The following POLA2 variants were observed in gnomAD, a reference collection of about 807,000 sequenced individuals.
POLA2 encodes DNA polymerase alpha 2, accessory subunit, also known as DNA polymerase alpha subunit B.
POLA2 carries 47 observed loss-of-function variants against 82.8 expected under a neutral mutation model. The ratio of observed to expected loss-of-function variants is 0.57; its 90% CI spans 0.45 to 0.72. POLA2 has a LOEUF of 0.72. Ranked by LOEUF, POLA2 falls within the 30% of genes least tolerant of loss-of-function variation. The probability of loss-of-function intolerance (pLI) is 0.00; values close to 1 mark genes in which losing one functional copy is unlikely to be tolerated. For synonymous variants in POLA2, 287 were observed against 286.8 expected, an observed-to-expected ratio of 1.00 and a Z score of -0.01; for missense variants, 634 against 728.1, an observed-to-expected ratio of 0.87 and a Z score of 1.49.
In POLA2 at chr11:65,294,672, C is replaced by T; in HGVS notation, c.1460+20C>T. 13 of 1,530,494 alleles carry T rather than the reference C, an allele frequency of 8.5e-6. No individual in the cohort carries two copies. The highest frequency in any genetic ancestry group is 1.2e-5 in the Non-Finnish European group (13 of 1,108,842). 94.8% of individuals were successfully genotyped at this position (1,530,494 alleles called of 1,614,324 possible). On this transcript the variant is annotated intron_variant, in intron 15 of 17. Coordinates refer to ENST00000265465, the MANE Select transcript of POLA2 (RefSeq NM_002689.4). Reference sequence around the variant, plus strand: ...CAGTAGGTAAGAAGTGTGTTCCAGGCCCCAAGCAGGATGACTGGCTTTCTG... The same window carrying T: ...CAGTAGGTAAGAAGTGTGTTCCAGGTCCCAAGCAGGATGACTGGCTTTCTG...
At chr11:65,302,950 ATCC>A (rs1355568673), downstream of POLA2, among the ~76,000 whole-genome samples, 1 of 151,998 alleles carries the variant, frequency 6.6e-6, no homozygotes, top group Non-Finnish European at 1.5e-5. Context: ...AGTTCAAGCA[ATCC>A]TCCTGCCTGA....
intron 11 of POLA2, among the ~76,000 whole-genome samples, chr11:65,288,512 G>GTTTTTTTTTTT (rs572913995): frequency 5.0e-5 from 6 of 119,956 alleles, no homozygotes; most frequent in Admixed American, 1.9e-4. Flanking sequence ...TTTGTTTTTT[G>GTTTTTTTTTTT]TTTTTTTTTT....
intron 8 of POLA2, among the ~76,000 whole-genome samples, chr11:65,304,259 G>A (rs1025720092): frequency 6.8e-6 from 1 of 147,996 alleles, no homozygotes; most frequent in Admixed American, 6.7e-5. Flanking sequence ...ATCCATCCAC[G>A]TAACCATCCA....
At chr11:65,293,260 T>C (rs2137585259) in intron 13 of POLA2, among the ~76,000 whole-genome samples, 1 of 152,252 alleles carries the variant, frequency 6.6e-6, no homozygotes, top group Non-Finnish European at 1.5e-5. Context: ...GTCTCGGTTG[T>C]CCAGTAATTA....
chr11:65,291,296 A>G (rs1488643061), intron 13 of POLA2, among the ~76,000 whole-genome samples: 1 of 152,238 alleles, frequency 6.6e-6, no homozygotes, highest in Non-Finnish European at 1.5e-5. Context: ...CCTTTTAGCC[A>G]TGAGAACTGA....
chr11:65,266,457 CAG>C, intron 1 of POLA2, 123 bp from the exon 2 acceptor site: 1 of 948,810 alleles, frequency 1.1e-6, no homozygotes. Flanking sequence ...TTGCCCAAAA[CAG>C]TGCCTGGCAC....
chr11:65,289,900 C>G (rs367557535), intron 13 of POLA2, 28 bp downstream of exon 13: 2 of 1,415,196 alleles, frequency 1.4e-6, no homozygotes, highest in Non-Finnish European at 2.0e-6. Flanking sequence ...TGGACAGAAC[C>G]TTAAGCTTCT....
intron 3 of POLA2, among the ~76,000 whole-genome samples, chr11:65,268,363 T>TA (rs1949485297): frequency 6.6e-6 from 1 of 151,474 alleles, no homozygotes; most frequent in Non-Finnish European, 1.5e-5. Flanking sequence ...TATTATTTTT[T>TA]TTTTTTGAGA....
At chr11:65,280,783 G>A in intron 7 of POLA2, 1 of 553,082 alleles carries the variant, frequency 1.8e-6, no homozygotes, top group Non-Finnish European at 3.2e-6. Context: ...CTCAAGTGCT[G>A]GGTGGATGGG....
chr11:65,285,574 CAAAAAAAAAAAAAAAA>C (rs899336675), intron 10 of POLA2, among the ~76,000 whole-genome samples: 2 of 63,014 alleles, frequency 3.2e-5, no homozygotes, highest in Admixed American at 1.8e-4. Flanking sequence ...GATCCTATCT[CAAAAAAAAAAAAAAAA>C]GAAAAAGAAA....
At position 65,282,514 on chromosome 11, in the gene POLA2, G is replaced by A; in HGVS notation, c.999G>A (p.Glu333=). Reference sequence around the variant, plus strand: ...TTCCATTTTATCAGCCCACTGAAGAGGATGCAGGTGAGTTTCGGTTCAAAT... The same window carrying A: ...TTCCATTTTATCAGCCCACTGAAGAAGATGCAGGTGAGTTTCGGTTCAAAT... ...VPLPFYQPTE[E]DADFEQSMVL... Residue 333 remains glutamate, a synonymous_variant, in exon 10 of 18, where the codon GAG becomes GAA. Transcript: ENST00000265465. 1 of 1,613,262 alleles carries A rather than the reference G, an allele frequency of 6.2e-7. No individual in the cohort carries two copies. The highest frequency in any genetic ancestry group is 8.5e-7 in the Non-Finnish European group (1 of 1,179,230).
At chr11:65,271,307 T>C (rs1028051244) in intron 4 of POLA2, among the ~76,000 whole-genome samples, 15 of 152,194 alleles carry the variant, frequency 9.9e-5, no homozygotes, top group Non-Finnish European at 1.5e-4. Context: ...GCAATACCAA[T>C]GGGACCACCA....
chr11:65,284,302 A>G (rs1735498389), intron 10 of POLA2, among the ~76,000 whole-genome samples: 1 of 152,030 alleles, frequency 6.6e-6, no homozygotes, highest in Admixed American at 6.6e-5. Flanking sequence ...GTGGGTCTGC[A>G]TCTCTACAAA....
At chr11:65,299,236 G>C (rs965032042), downstream of POLA2, among the ~76,000 whole-genome samples, 4 of 152,226 alleles carry the variant, frequency 2.6e-5, no homozygotes, top group African/African-American at 9.6e-5. Flanking sequence ...GCCTCTCCCT[G>C]ATCTGGTCAT....
At chr11:65,294,912 G>C (rs992390812) in intron 15 of POLA2, 1 of 349,522 alleles carries the variant, frequency 2.9e-6, no homozygotes, top group Admixed American at 4.3e-5. Flanking sequence ...GCACTTAAAG[G>C]CATCAAAATT....
At chr11:65,281,309 C>T (rs560418375) in intron 8 of POLA2, among the ~76,000 whole-genome samples, 162 bp downstream of exon 8, 2 of 152,212 alleles carry the variant, frequency 1.3e-5, no homozygotes, top group Admixed American at 1.3e-4. Context: ...ATTCCTGTTT[C>T]CCCCATGCTC....
At chr11:65,268,611 G>A (rs1344672302) in intron 3 of POLA2, 61 bp from the exon 4 acceptor site, 1 of 1,068,864 alleles carries the variant, frequency 9.4e-7, no homozygotes. Context: ...CAAAGTGCTG[G>A]GATTACAGGC....
chr11:65,280,075 T>G lies in POLA2; in HGVS notation c.744+449T>G, dbSNP rs149819703. 428 of 156,788 alleles carry G rather than the reference T, an allele frequency of 2.7e-3. 1 individual carries two copies. Among genetic ancestry groups the G allele is most frequent in the Non-Finnish European group, 4.3e-3 (303 of 71,248 alleles). The allele number at this position is 156,788 out of a possible 1,614,324, so 9.7% of individuals were successfully genotyped here. On this transcript the variant is annotated intron_variant, in intron 7 of 17. Transcript: ENST00000265465. ...ATAGTATCTTTATATCATAGTTTAA[T>G]CTGGCATATATACCAGTGCTTTCTC...
At chr11:65,272,444 T>G (rs766079567) in intron 4 of POLA2, among the ~76,000 whole-genome samples, 1 of 152,234 alleles carries the variant, frequency 6.6e-6, no homozygotes, top group Non-Finnish European at 1.5e-5. Flanking sequence ...TGATTTTAGC[T>G]TATCACTATT....
Sources: gnomAD v4.1 joint callset for allele counts (sites outside exome capture counted in the v4.1 genomes callset) on GRCh38, gnomAD v4.1.1 for gene constraint, MANE v1.5 for transcripts, NCBI Gene and HGNC (gene_info 2026-07-23, HGNC 2026-07-21) for gene names.